INSYN2B: variants seen among roughly 807,000 people sequenced by gnomAD.
INSYN2B encodes inhibitory synaptic factor family member 2B.
Under a neutral mutation model 41.2 loss-of-function variants are expected in INSYN2B, and 16 were observed. The observed-to-expected ratio is 0.39, with a 90% confidence interval of 0.26 to 0.59. The LOEUF is 0.59. Among genes scored for constraint, INSYN2B ranks in the 20% least tolerant of loss-of-function variants. INSYN2B has a pLI of 0.57. For missense variants in INSYN2B, 608 were observed against 646.4 expected (o/e 0.94, Z 0.64); for synonymous variants, 245 against 244.4 (o/e 1.00, Z -0.02).
chr5:169,970,434 T>C (rs1777461488), intron 1 of INSYN2B, among the ~76,000 whole-genome samples: 1 of 152,222 alleles, frequency 6.6e-6, no homozygotes, highest in Non-Finnish European at 1.5e-5. Context: ...GAACAATCAC[T>C]TTGTTTGTAG....
chr5:169,974,020 C>T (rs1373443247), intron 1 of INSYN2B, among the ~76,000 whole-genome samples: 1 of 152,184 alleles, frequency 6.6e-6, no homozygotes, highest in African/African-American at 2.4e-5. Flanking sequence ...CGATCACACA[C>T]TTTTCCTTTC....
chr5:169,959,682 A>G (rs1002132399), intron 1 of INSYN2B, among the ~76,000 whole-genome samples: 4 of 152,212 alleles, frequency 2.6e-5, no homozygotes, highest in African/African-American at 9.6e-5. Flanking sequence ...TCCAGTTCTC[A>G]GGTCTCCAAC....
At chr5:169,904,419 G>T (rs1315492490) in intron 1 of INSYN2B, among the ~76,000 whole-genome samples, 4 of 152,134 alleles carry the variant, frequency 2.6e-5, no homozygotes, top group Non-Finnish European at 5.9e-5. Context: ...ATTTCTACCA[G>T]TGTGTTCAAA....
chr5:169,875,452 G>C (rs1772270402), intron 3 of INSYN2B: 1 of 369,426 alleles, frequency 2.7e-6, no homozygotes, highest in South Asian at 2.0e-5. Flanking sequence ...ATTCCACTGA[G>C]ACCTAATATC....
At chr5:169,976,305 T>A (rs974566256) in intron 1 of INSYN2B, among the ~76,000 whole-genome samples, 2 of 152,218 alleles carry the variant, frequency 1.3e-5, no homozygotes, top group Admixed American at 1.3e-4. Context: ...TTAGGTCCTA[T>A]GTCACCATAT....
At chr5:169,959,735 C>A (rs1474075950) in intron 1 of INSYN2B, among the ~76,000 whole-genome samples, 4 of 152,156 alleles carry the variant, frequency 2.6e-5, no homozygotes, top group Non-Finnish European at 5.9e-5. Context: ...CTAACAGGTG[C>A]CATCCTAGTT....
chr5:169,942,236 G>A (rs1180635271), intron 1 of INSYN2B, among the ~76,000 whole-genome samples: 2 of 152,150 alleles, frequency 1.3e-5, no homozygotes, highest in African/African-American at 4.8e-5. Context: ...CAACTGTCAA[G>A]GCAATAAAAA....
intron 1 of INSYN2B, among the ~76,000 whole-genome samples, chr5:169,901,440 C>A (rs1773917867): frequency 6.6e-6 from 1 of 151,994 alleles, no homozygotes; most frequent in South Asian, 2.1e-4. Flanking sequence ...TGTGGGCATG[C>A]ATGCGTGCAT....
intron 1 of INSYN2B, among the ~76,000 whole-genome samples, chr5:169,937,064 C>T (rs556245215): frequency 9.5e-4 from 145 of 152,272 alleles, no homozygotes; most frequent in African/African-American, 3.3e-3. Flanking sequence ...AGTTTCTGGG[C>T]AGAGTAATTG....
chr5:169,911,221 A>G (rs1774577712), intron 1 of INSYN2B, among the ~76,000 whole-genome samples: 1 of 152,228 alleles, frequency 6.6e-6, no homozygotes, highest in African/African-American at 2.4e-5. Flanking sequence ...GCTTTGAAAC[A>G]GAGGATAAGA....
chr5:169,911,724 T>C (rs1213475192), intron 1 of INSYN2B, among the ~76,000 whole-genome samples: 1 of 152,160 alleles, frequency 6.6e-6, no homozygotes, highest in Non-Finnish European at 1.5e-5. Context: ...ATGGTAAAAA[T>C]TGACTTCAAA....
At chr5:169,956,173 G>A (rs1169354115) in intron 1 of INSYN2B, among the ~76,000 whole-genome samples, 1 of 152,178 alleles carries the variant, frequency 6.6e-6, no homozygotes, top group Non-Finnish European at 1.5e-5. Flanking sequence ...GTCCTGCAAG[G>A]GCAAAACTTG....
At chr5:169,888,464 T>C (rs1459139888) in intron 1 of INSYN2B, among the ~76,000 whole-genome samples, 1 of 152,240 alleles carries the variant, frequency 6.6e-6, no homozygotes, top group Non-Finnish European at 1.5e-5. Context: ...CTGTTTATGT[T>C]CCATCTATGC....
At chr5:169,929,391 G>A (rs987671352) in intron 1 of INSYN2B, among the ~76,000 whole-genome samples, 2 of 152,000 alleles carry the variant, frequency 1.3e-5, no homozygotes, top group East Asian at 1.9e-4. Context: ...CCCGGCAAAC[G>A]ATATACAGAA....
intron 1 of INSYN2B, among the ~76,000 whole-genome samples, chr5:169,944,722 C>G (rs1336906763): frequency 6.6e-6 from 1 of 152,326 alleles, no homozygotes; most frequent in Non-Finnish European, 1.5e-5. Context: ...TGTGGTGGCT[C>G]TCACCAGTGC....
At chr5:169,964,548 C>T (rs924952947) in intron 1 of INSYN2B, among the ~76,000 whole-genome samples, 19 of 152,228 alleles carry the variant, frequency 1.2e-4, no homozygotes, top group Admixed American at 5.2e-4. Flanking sequence ...AGCATCTCCG[C>T]CTGGAGGGCT....
In INSYN2B at chr5:169,882,785, T is replaced by C. The variant is rs1361788696; in HGVS notation, c.1114A>G (p.Asn372Asp). 6.4e-7 allele frequency: 1 copy of C among 1,551,642 alleles called. No individual in the cohort carries two copies. ...GGGAGATGATTACTTCCTGGACAAT[T>C]TGGAAACTCCAGTGTGTCTGACTCG... is the stretch of plus-strand genomic sequence containing the variant. ...PTESDTLEFP[N>D]CPGSNHLPSS... Residue 372 changes from asparagine (N) to aspartate (D), a missense_variant, in exon 2 of 4, where the codon AAT becomes GAT. Asn to Asp is a conservative substitution (Grantham distance 23). Coordinates refer to ENST00000377365, the MANE Select transcript of INSYN2B (RefSeq NM_001129891.3).
chr5:169,938,627 T>G (rs1279241472), intron 1 of INSYN2B, among the ~76,000 whole-genome samples: 1 of 152,180 alleles, frequency 6.6e-6, no homozygotes, highest in African/African-American at 2.4e-5. Context: ...AATCAGTGAG[T>G]AAGTGGTGAG....
intron 1 of INSYN2B, among the ~76,000 whole-genome samples, chr5:169,942,677 C>CTG (rs1362464876): frequency 6.6e-6 from 1 of 152,184 alleles, no homozygotes. Context: ...GGCCTTGGCC[C>CTG]TGCAAGCAGT....
Sources: allele counts gnomAD v4.1 joint callset (sites outside exome capture counted in the v4.1 genomes callset), GRCh38; gene constraint gnomAD v4.1.1; transcripts MANE v1.5; gene names NCBI Gene and HGNC (gene_info 2026-07-23, HGNC 2026-07-21).